Variants in GK observed in about 807,000 individuals in gnomAD.
The protein encoded by GK is ATP:glycerol 3-phosphotransferase.
In GK, 9 loss-of-function variants were observed where a neutral mutation model predicts 56.4. The ratio of observed to expected loss-of-function variants is 0.16; its 90% CI spans 0.10 to 0.28. GK has a LOEUF of 0.28. GK is among the 10% of genes least tolerant of loss of function. The pLI is 1.00. For synonymous variants in GK, 104 were observed against 144.1 expected, an observed-to-expected ratio of 0.72 and a Z score of 1.99; for missense variants, 161 against 431.4, an observed-to-expected ratio of 0.37 and a Z score of 5.55.
intron 13 of GK, among the ~76,000 whole-genome samples, chrX:30,708,439 C>T (rs1936143324): frequency 9.2e-6 from 1 of 108,821 alleles, no homozygotes; most frequent in African/African-American, 3.3e-5. Flanking sequence ...ATCGGATTAA[C>T]GTGCTCTCTA....
chrX:30,665,640 C>T, intron 2 of GK, 56 bp downstream of exon 2: 1 of 707,943 alleles, frequency 1.4e-6, no homozygotes, highest in Non-Finnish European at 2.3e-6. Flanking sequence ...TCCATCTCAC[C>T]CAACTTGCCC....
intron 4 of GK, among the ~76,000 whole-genome samples, chrX:30,682,425 A>G (rs1258274474): frequency 8.9e-6 from 1 of 111,918 alleles, no homozygotes; most frequent in Non-Finnish European, 1.9e-5. Context: ...ACAGAAACTA[A>G]GGATAGAAGT....
chrX:30,718,717 C>T, intron 14 of GK, 101 bp downstream of exon 14: 1 of 535,627 alleles, frequency 1.9e-6, no homozygotes, highest in Non-Finnish European at 3.3e-6. Context: ...CAAATGTGAT[C>T]CATAAATTAT....
At position 30,668,044 on chromosome X, in the gene GK, A is replaced by G. The variant is rs1933200512; in HGVS notation, c.185A>G (p.His62Arg). Reference sequence around the variant, plus strand: ...GAACAGGACCCTAAGGAAATTCTACATTCTGTCTATGAGTGTATAGAGAAA... The same window carrying G: ...GAACAGGACCCTAAGGAAATTCTACGTTCTGTCTATGAGTGTATAGAGAAA... ...WVEQDPKEIL[H>R]SVYECIEKTC... Residue 62 changes from histidine to arginine, a missense_variant, in exon 3 of 21, where the codon CAT (histidine) becomes CGT (arginine). Physicochemically the swap from His to Arg is conservative, Grantham distance 29. Coordinates refer to ENST00000427190, the MANE Select transcript of GK (RefSeq NM_001205019.2). The G allele has an allele frequency of 8.8e-7, 1 of 1,132,204 alleles. No homozygotes were observed. The highest frequency in any genetic ancestry group is 1.2e-6 in the Non-Finnish European group (1 of 822,930). 93.3% of individuals were successfully genotyped at this position (1,132,204 alleles called of 1,213,427 possible).
intron 19 of GK, among the ~76,000 whole-genome samples, chrX:30,724,420 T>C (rs1162918428): frequency 9.0e-6 from 1 of 111,695 alleles, no homozygotes; most frequent in Non-Finnish European, 1.9e-5. Context: ...TTCTTGGTAC[T>C]TCAATTGACA....
intron 4 of GK, among the ~76,000 whole-genome samples, chrX:30,686,642 C>A (rs1601905316): frequency 9.0e-6 from 1 of 111,326 alleles, no homozygotes; most frequent in South Asian, 3.8e-4. Flanking sequence ...ATAATTTATT[C>A]CTCTGTACTG....
At chrX:30,694,122 A>T (rs574435061) in intron 5 of GK, among the ~76,000 whole-genome samples, 3 of 111,838 alleles carry the variant, frequency 2.7e-5, no homozygotes, top group South Asian at 7.4e-4. Context: ...ATCAACATCT[A>T]CATTGTCACT....
intron 9 of GK, among the ~76,000 whole-genome samples, chrX:30,699,161 C>T (rs185737894): frequency 3.0e-5 from 3 of 101,331 alleles, no homozygotes; most frequent in African/African-American, 1.1e-4. Context: ...TACATCACCC[C>T]TACTTCAGGG....
chrX:30,724,755 G>C (rs1459787538), intron 19 of GK: 3 of 165,439 alleles, frequency 1.8e-5, no homozygotes, highest in African/African-American at 9.5e-5. Flanking sequence ...CACTTAGGAA[G>C]GTCAAGAGCT....
chrX:30,662,730 TTTCTTTCCTTCTTTCTTTCC>T (rs1321567142), intron 1 of GK, among the ~76,000 whole-genome samples: 1 of 103,485 alleles, frequency 9.7e-6, no homozygotes, highest in African/African-American at 3.6e-5. Flanking sequence ...TCTTTCTTTC[TTTCTTTCCTTCTTTCTTTCC>T]TTCCTTCCTT....
intron 9 of GK, 28 bp downstream of exon 9, chrX:30,697,777 C>T (rs779496832): frequency 2.7e-6 from 3 of 1,105,621 alleles, no homozygotes; most frequent in Non-Finnish European, 3.8e-6. Context: ...CAATTATGTA[C>T]CCATTCATTT....
intron 3 of GK, among the ~76,000 whole-genome samples, chrX:30,673,405 C>T (rs1933674405): frequency 8.9e-6 from 1 of 111,994 alleles, no homozygotes; most frequent in South Asian, 3.7e-4. Flanking sequence ...AAATTAGGAA[C>T]CATTAGGAAT....
intron 11 of GK, among the ~76,000 whole-genome samples, chrX:30,702,075 T>TC (rs776333847): frequency 9.0e-6 from 1 of 110,608 alleles, no homozygotes; most frequent in African/African-American, 3.3e-5. Context: ...GGAGTTTCGT[T>TC]CTTCTTGCCC....
intron 13 of GK, among the ~76,000 whole-genome samples, chrX:30,708,735 AG>A (rs1936165041): frequency 1.8e-5 from 2 of 112,259 alleles, no homozygotes; most frequent in East Asian, 5.5e-4. Context: ...ATAAAGTCAA[AG>A]AAATAATATT....
chrX:30,720,165 C>A, intron 16 of GK, 70 bp downstream of exon 16: 2 of 642,825 alleles, frequency 3.1e-6, no homozygotes, highest in Non-Finnish European at 5.3e-6. Flanking sequence ...TGTTAACACC[C>A]GAGATTTATT....
chrX:30,661,781 C>T (rs978904087), intron 1 of GK, among the ~76,000 whole-genome samples: 1 of 112,214 alleles, frequency 8.9e-6, no homozygotes, highest in African/African-American at 3.2e-5. Context: ...CTCAGACAAA[C>T]ACCCCAGCAA....
chrX:30,694,603 ATT>A, intron 6 of GK, 66 bp downstream of exon 6: 2 of 944,621 alleles, frequency 2.1e-6, no homozygotes, highest in Non-Finnish European at 3.0e-6. Flanking sequence ...TGCCTTGCCT[ATT>A]GTTTCTACTA....
intron 13 of GK, among the ~76,000 whole-genome samples, chrX:30,717,349 T>G (rs750714654): frequency 9.0e-6 from 1 of 110,925 alleles, no homozygotes; most frequent in African/African-American, 3.3e-5. Flanking sequence ...ATAGTTCATA[T>G]TCCACACAAT....
At chrX:30,694,577 G>T in intron 6 of GK, 40 bp downstream of exon 6, 1 of 1,113,462 alleles carries the variant, frequency 9.0e-7, no homozygotes, top group South Asian at 1.8e-5. Flanking sequence ...AATTTTTTCA[G>T]AAATTTTTTC....
Sources: gnomAD v4.1 joint callset for allele counts (sites outside exome capture counted in the v4.1 genomes callset) on GRCh38, gnomAD v4.1.1 for gene constraint, MANE v1.5 for transcripts, NCBI Gene and HGNC (gene_info 2026-07-23, HGNC 2026-07-21) for gene names.